Variants in CTC1 observed in about 807,000 individuals in gnomAD.
The protein encoded by CTC1 is CST complex subunit CTC1.
Under a neutral mutation model 136.3 loss-of-function variants are expected in CTC1, and 91 were observed. That is an observed-to-expected ratio of 0.67 (90% CI 0.56 to 0.79). CTC1 has a LOEUF of 0.79. CTC1 is among the 30% of genes least tolerant of loss of function. The pLI, the probability that CTC1 is intolerant of heterozygous loss-of-function variation, is 0.00. For synonymous variants in CTC1, 606 were observed against 613.8 expected (o/e 0.99, Z 0.19); for missense variants, 1,432 against 1,498.1 (o/e 0.96, Z 0.73).
intron 7 of CTC1, 86 bp from the exon 8 acceptor site, chr17:8,235,371 G>T (rs1987625893): frequency 2.9e-6 from 3 of 1,024,718 alleles, no homozygotes; most frequent in Non-Finnish European, 4.4e-6. Context: ...CTTTGCCACT[G>T]CCTGGGTTCC....
chr17:8,228,400 A>G, intron 22 of CTC1, 81 bp from the exon 23 acceptor site: 2 of 1,608,004 alleles, frequency 1.2e-6, no homozygotes, highest in South Asian at 2.2e-5. Context: ...CCCTAACTCC[A>G]GAAATTCCCC....
Position 8,234,058 on chromosome 17 carries a change from C to T in CTC1, c.1818+397G>A, listed in dbSNP as rs116287214. Reference sequence around the variant, plus strand: ...GGAGTGCAGTGGTGTGATCTTGGCTCACTATACTCTTGATCTCTCAGGCTC... The same window carrying T: ...GGAGTGCAGTGGTGTGATCTTGGCTTACTATACTCTTGATCTCTCAGGCTC... On this transcript the variant is annotated intron_variant, in intron 10 of 22. Coordinates refer to ENST00000651323, the MANE Select transcript of CTC1 (RefSeq NM_025099.6). Among the ~76,000 whole-genome samples, 1,457 of 152,242 alleles carry T rather than the reference C, an allele frequency of 9.6e-3. 20 individuals are homozygous for T. The highest frequency in any genetic ancestry group is 0.032 in the African/African-American group (1,341 of 41,536).
In CTC1 at chr17:8,231,781, C is replaced by G; in HGVS notation, c.2420G>C (p.Trp807Ser). 6.2e-7 allele frequency: 1 copy of G among 1,614,176 alleles called. No individual in the cohort carries two copies. Residue 807 changes from tryptophan (W) to serine (S), a missense_variant, in exon 14 of 23, where the codon TGG becomes TCG. Transcript: ENST00000651323. Reference sequence around the variant, plus strand: ...CTGTCCCGGGTGCAAGAACTCAAACCAGCGGACTGAAGAGCCAAAGAAAAT... The same window carrying G: ...CTGTCCCGGGTGCAAGAACTCAAACGAGCGGACTGAAGAGCCAAAGAAAAT... ...HLIFFGSSVR[W>S]FEFLHPGQVY...
At chr17:8,245,269 C>T (rs1039722507) in intron 1 of CTC1, among the ~76,000 whole-genome samples, 3 of 152,038 alleles carry the variant, frequency 2.0e-5, no homozygotes, top group Non-Finnish European at 4.4e-5. Flanking sequence ...AATAAACCTG[C>T]GCACGTCCCC....
At chr17:8,232,270 A>G in intron 12 of CTC1, 43 bp from the exon 13 acceptor site, 1 of 1,550,578 alleles carries the variant, frequency 6.4e-7, no homozygotes, top group Non-Finnish European at 8.7e-7. Flanking sequence ...TGATGCAGGC[A>G]TTGGGTATTT....
rs892126253 is a variant in CTC1 at position 8,225,809 on chromosome 17, A to C, written c.*2371T>G. ...CAAATTTTAAATACTGTATATTTAA[A>C]TATATATTTTTATATTATATACTAT... On this transcript the variant is annotated 3_prime_UTR_variant, in exon 23 of 23. Coordinates refer to ENST00000651323, the MANE Select transcript of CTC1 (RefSeq NM_025099.6). 1 of 150,704 alleles carries C rather than the reference A, an allele frequency of 6.6e-6. No homozygotes were observed. Among genetic ancestry groups the C allele is most frequent in the Non-Finnish European group, 1.5e-5 (1 of 67,722 alleles). 9.3% of individuals were successfully genotyped at this position (150,704 alleles called of 1,614,324 possible).
Position 8,227,014 on chromosome 17 carries a change from G to A in CTC1, c.*1166C>T, listed in dbSNP as rs753309673. Reference sequence around the variant, plus strand: ...ACTGGCCCGTACGGGGTTCGAACCCGCGACCTTGGCGTTATTAGCACCACG... The same window carrying A: ...ACTGGCCCGTACGGGGTTCGAACCCACGACCTTGGCGTTATTAGCACCACG... On this transcript the variant is annotated 3_prime_UTR_variant, in exon 23 of 23. Coordinates refer to ENST00000651323, the MANE Select transcript of CTC1 (RefSeq NM_025099.6). 3.3e-5 allele frequency: 5 copies of A among 152,596 alleles called. No homozygotes were observed. The highest frequency in any genetic ancestry group is 1.9e-4 in the East Asian group (1 of 5,192). 9.5% of individuals were successfully genotyped at this position (152,596 alleles called of 1,614,324 possible). A position where few individuals can be genotyped will look rare whatever the true frequency, so the allele number is the denominator to read the frequency against.
intron 1 of CTC1, 113 bp downstream of exon 1, chr17:8,247,891 T>C: frequency 9.2e-7 from 1 of 1,084,708 alleles, no homozygotes; most frequent in Non-Finnish European, 1.4e-6. Flanking sequence ...CCCTCACCCA[T>C]GGGCCGGACG....
chr17:8,236,050 G>A lies in CTC1; in HGVS notation c.1077+8C>T. ...CCCTCAAGCTCTAGGATCTCTCCCT[G>A]TGCTCACCGAATAGGATAGGAGTCT... On this transcript the variant is annotated splice_region_variant and intron_variant, in intron 6 of 22. Coordinates refer to ENST00000651323, the MANE Select transcript of CTC1 (RefSeq NM_025099.6). The A allele has an allele frequency of 6.2e-7, 1 of 1,609,046 alleles. No homozygotes were observed. Among genetic ancestry groups the A allele is most frequent in the South Asian group, 1.1e-5 (1 of 90,920 alleles).
chr17:8,239,159 G>T (rs1403233518), intron 2 of CTC1, among the ~76,000 whole-genome samples: 5 of 151,150 alleles, frequency 3.3e-5, no homozygotes, highest in Non-Finnish European at 7.4e-5. Flanking sequence ...GTGCTGAATA[G>T]TATCTTCAAC....
chr17:8,236,591 ATTC>A (rs1259466099), intron 5 of CTC1, among the ~76,000 whole-genome samples: 1 of 152,172 alleles, frequency 6.6e-6, no homozygotes, highest in Non-Finnish European at 1.5e-5. Flanking sequence ...ATACATAAAT[ATTC>A]CACTGAGAAA....
chr17:8,237,472 C>A lies in CTC1; in HGVS notation c.695G>T (p.Arg232Leu), dbSNP rs201592575. Residue 232 changes from arginine to leucine, a missense_variant, in exon 5 of 23, where the codon CGA becomes CTA. Physicochemically the swap from Arg to Leu is moderately radical, Grantham distance 102. Coordinates refer to ENST00000651323, the MANE Select transcript of CTC1 (RefSeq NM_025099.6). ...TTTACTTTTCACCAGAGCACTCAAT[C>A]GAACTAGACTCCCAGCCAGGTTTCG... ...VQRNLAGSLV[R>L]LSALVKSKQK... is the part of the protein sequence containing the mutation. 3 of 1,613,830 alleles carry A rather than the reference C, an allele frequency of 1.9e-6. No homozygotes were observed. The East Asian group carries it at 6.7e-5, about 36-fold the overall frequency.
chr17:8,242,559 T>TATATATATATATACAC (rs1988357413), intron 2 of CTC1, among the ~76,000 whole-genome samples: 1 of 90,456 alleles, frequency 1.1e-5, no homozygotes, highest in African/African-American at 3.7e-5. Flanking sequence ...AAAAAATATA[T>TATATATATATATACAC]ATATATATAT....
rs767340302 is a variant in CTC1, at chr17:8,229,986, A to G, written c.2934-18T>C. On this transcript the variant is annotated intron_variant, in intron 17 of 22. Transcript: ENST00000651323. ...TGTGAGATCTGCAAGTGGAAGAGGAATAGTGAGTGACCAGGAAGACAAGGC... is the reference window on the plus strand; with the variant it reads ...TGTGAGATCTGCAAGTGGAAGAGGAGTAGTGAGTGACCAGGAAGACAAGGC... 1 of 1,612,680 alleles carries G rather than the reference A, an allele frequency of 6.2e-7. No homozygotes were observed. Among genetic ancestry groups the G allele is most frequent in the South Asian group, 1.1e-5 (1 of 91,008 alleles).
At chr17:8,242,553 A>ATATATATATGTATAT (rs1555536344) in intron 2 of CTC1, among the ~76,000 whole-genome samples, 3 of 60,402 alleles carry the variant, frequency 5.0e-5, no homozygotes, top group African/African-American at 1.8e-4. Flanking sequence ...AAAAAAAAAA[A>ATATATATATGTATAT]ATATATATAT....
At position 8,238,649 on chromosome 17, in the gene CTC1, G is replaced by A. The variant is rs754194817; in HGVS notation, c.198-20C>T. On this transcript the variant is annotated intron_variant, in intron 2 of 22. Transcript: ENST00000651323. ...ACGAAGCTGTAGAGTGAAGGGAACA[G>A]AGGTCCTGCAAAGCCAGGTCCAAGC... The A allele has an allele frequency of 2.6e-6, 4 of 1,544,398 alleles. No individual in the cohort carries two copies. In the South Asian group the frequency reaches 3.7e-5, roughly 14 times the overall value.
chr17:8,240,843 T>C (rs1988155463), intron 2 of CTC1, among the ~76,000 whole-genome samples: 3 of 152,122 alleles, frequency 2.0e-5, no homozygotes, highest in African/African-American at 7.2e-5. Flanking sequence ...GATATTGCAC[T>C]ATAGCCTGGG....
At chr17:8,237,648 G>A (rs561144122) in intron 4 of CTC1, 129 bp from the exon 5 acceptor site, 39 of 179,256 alleles carry the variant, frequency 2.2e-4, no homozygotes, top group East Asian at 1.8e-3. Context: ...CTGGGCAGCA[G>A]GAGTGAAACT....
chr17:8,230,302 C>A lies in CTC1; in HGVS notation c.2925G>T (p.Arg975Ser), dbSNP rs1448015966. 2 of 1,611,084 alleles carry A rather than the reference C, an allele frequency of 1.2e-6. No individual in the cohort carries two copies. Among genetic ancestry groups the A allele is most frequent in the East Asian group, 2.2e-5 (1 of 44,874 alleles). Residue 975 changes from arginine to serine, a missense_variant, in exon 17 of 23, where the codon AGG (arginine) becomes AGT (serine). Coordinates refer to ENST00000651323, the MANE Select transcript of CTC1 (RefSeq NM_025099.6). ...ACACTACACATCTTCACCTGGAAAC[C>A]CTTTTCTCCAACTGGCTGAAGTGGA... ...ARVHFSQLEK[R>S]VSRSHNVYCC...
Sources: allele counts gnomAD v4.1 joint callset (sites outside exome capture counted in the v4.1 genomes callset), GRCh38; gene constraint gnomAD v4.1.1; transcripts MANE v1.5; gene names NCBI Gene and HGNC (gene_info 2026-07-23, HGNC 2026-07-21).